NBPF9: variants seen among roughly 807,000 people sequenced by gnomAD.
NBPF9 encodes the protein NBPF member 9, also known as NBPF family member NBPF9.
NBPF9 carries 91 observed loss-of-function variants against 97.8 expected under a neutral mutation model. The observed-to-expected ratio is 0.93, with a 90% CI of 0.79 to 1.11. The LOEUF is 1.11. Ranked by LOEUF, NBPF9 falls within the 50% of genes least tolerant of loss-of-function variation. The pLI, the probability that NBPF9 is intolerant of heterozygous loss-of-function variation, is 0.00. For synonymous variants in NBPF9, 334 were observed against 359.5 expected (o/e 0.93, Z 0.80); for missense variants, 992 against 939.5 (o/e 1.06, Z -0.73).
intron 5 of NBPF9, among the ~76,000 whole-genome samples, chr1:149,086,860 C>T (rs2081044156): frequency 6.6e-6 from 1 of 152,098 alleles, no homozygotes; most frequent in Non-Finnish European, 1.5e-5. Context: ...TCTGGAAACA[C>T]ACATACAGAT....
At chr1:149,065,357 G>A (rs587702386) in intron 18 of NBPF9, 169 bp downstream of exon 18, 1 of 803,542 alleles carries the variant, frequency 1.2e-6, no homozygotes, top group Non-Finnish European at 2.2e-6. Context: ...CCCACCCCAT[G>A]CCTGTGCTTC....
chr1:149,062,762 T>A lies in NBPF9; in HGVS notation c.2078+100A>T. On this transcript the variant is annotated intron_variant, in intron 21 of 29. Transcript: ENST00000584027. ...CAATGGCAGTAGGAGTAATTCAACCTCCGTTGAAAACATGAAATTGAACAC... is the reference window on the plus strand; with the variant it reads ...CAATGGCAGTAGGAGTAATTCAACCACCGTTGAAAACATGAAATTGAACAC... 5 of 775,226 alleles carry A rather than the reference T, an allele frequency of 6.4e-6. No individual in the cohort carries two copies. In the South Asian group the frequency reaches 6.7e-5, roughly 10 times the overall value. The allele number at this position is 775,226 out of a possible 1,614,324, so 48.0% of individuals were successfully genotyped here.
At chr1:149,077,483 G>C in intron 10 of NBPF9, 64 bp from the exon 11 acceptor site, 1 of 1,601,514 alleles carries the variant, frequency 6.2e-7, no homozygotes, top group Non-Finnish European at 8.5e-7. Flanking sequence ...ACCCCAGGGA[G>C]TACTAGCTGG....
At chr1:149,068,149 C>G (rs2079149463) in intron 17 of NBPF9, among the ~76,000 whole-genome samples, 1 of 148,734 alleles carries the variant, frequency 6.7e-6, no homozygotes, top group African/African-American at 2.5e-5. Flanking sequence ...AAAGGAACAA[C>G]CGGTACCAGC....
chr1:149,097,943 C>T (rs868967602), intron 4 of NBPF9, among the ~76,000 whole-genome samples: 3 of 151,648 alleles, frequency 2.0e-5, no homozygotes, highest in Non-Finnish European at 3.0e-5. Flanking sequence ...AGCCATGTTT[C>T]CCCATCCTGG....
At chr1:149,082,780 G>T (rs2080595976) in intron 5 of NBPF9, among the ~76,000 whole-genome samples, 1 of 147,068 alleles carries the variant, frequency 6.8e-6, no homozygotes, top group African/African-American at 2.5e-5. Flanking sequence ...CTCTTGTTTT[G>T]ACTTTTTTTT....
chr1:149,082,985 A>AT (rs1323542940), intron 5 of NBPF9, among the ~76,000 whole-genome samples: 2 of 62,126 alleles, frequency 3.2e-5, no homozygotes, highest in South Asian at 5.2e-4. Flanking sequence ...TTTTTTTTGT[A>AT]TTTTTAGTAG....
intron 5 of NBPF9, among the ~76,000 whole-genome samples, chr1:149,086,328 C>T (rs1553658462): frequency 1.4e-5 from 2 of 148,102 alleles, no homozygotes; most frequent in Non-Finnish European, 3.0e-5. Flanking sequence ...TGGAATGTAA[C>T]AAAAGCCCAC....
chr1:149,052,351 A>G (rs2077961629), downstream of NBPF9, among the ~76,000 whole-genome samples: 1 of 151,678 alleles, frequency 6.6e-6, no homozygotes, highest in African/African-American at 2.4e-5. Context: ...GACAAAGGGC[A>G]TGTGTGATAG....
At chr1:149,103,360 C>T (rs1553244909) in exon 1 of NBPF9, 4 of 152,230 alleles carry the variant, frequency 2.6e-5, no homozygotes, top group Admixed American at 6.5e-5. Context: ...ACGGCAGCCG[C>T]GCCGCCGCGC....
intron 11 of NBPF9, among the ~76,000 whole-genome samples, chr1:149,077,004 A>G (rs2079933985): frequency 6.6e-6 from 1 of 150,790 alleles, no homozygotes; most frequent in Non-Finnish European, 1.5e-5. Context: ...CATATTGTGT[A>G]GGCTGGTCTT....
intron 12 of NBPF9, among the ~76,000 whole-genome samples, chr1:149,075,447 A>G (rs2079776796): frequency 1.3e-5 from 2 of 152,026 alleles, no homozygotes; most frequent in Admixed American, 6.6e-5. Flanking sequence ...CTCTAGTCCC[A>G]CCCCCACCTG....
At chr1:149,058,851 C>G (rs1378428372) in intron 26 of NBPF9, 74 bp downstream of exon 26, 1 of 701,290 alleles carries the variant, frequency 1.4e-6, no homozygotes, top group African/African-American at 1.8e-5. Flanking sequence ...CAGTAAGGGC[C>G]ACTTGGAACA....
downstream of NBPF9, among the ~76,000 whole-genome samples, chr1:149,052,758 C>T (rs368347486): frequency 2.9e-4 from 44 of 149,534 alleles, no homozygotes; most frequent in South Asian, 1.1e-3. Context: ...TTCTATTATA[C>T]GATTCAGTCT....
At chr1:149,059,984 T>C (rs1181910176) in intron 24 of NBPF9, 176 bp from the exon 25 acceptor site, 1 of 407,286 alleles carries the variant, frequency 2.5e-6, no homozygotes, top group African/African-American at 2.7e-5. Flanking sequence ...CCTCAGTTTT[T>C]CTCCCAGAAA....
intron 2 of NBPF9, among the ~76,000 whole-genome samples, chr1:149,101,762 T>C (rs1381895937): frequency 6.6e-6 from 1 of 152,134 alleles, no homozygotes; most frequent in Non-Finnish European, 1.5e-5. Flanking sequence ...TGCTAAATGG[T>C]ACAACCACTT....
intron 29 of NBPF9, among the ~76,000 whole-genome samples, chr1:149,056,208 C>G (rs587696914): frequency 6.7e-6 from 1 of 149,570 alleles, no homozygotes; most frequent in Admixed American, 6.7e-5. Flanking sequence ...TCATGACACA[C>G]AGCAAACTGT....
intron 16 of NBPF9, among the ~76,000 whole-genome samples, chr1:149,070,322 A>C (rs2079301074): frequency 3.6e-5 from 1 of 27,532 alleles, no homozygotes; most frequent in Non-Finnish European, 8.9e-5. Flanking sequence ...CTCCATCGCA[A>C]AAAAAAAAAA....
chr1:149,068,194 G>A (rs1313283405), intron 17 of NBPF9, among the ~76,000 whole-genome samples: 1 of 149,102 alleles, frequency 6.7e-6, no homozygotes, highest in African/African-American at 2.5e-5. Flanking sequence ...AAAGACCATT[G>A]ACGCTAGGAA....
Sources: gnomAD v4.1 joint callset for allele counts (sites outside exome capture counted in the v4.1 genomes callset) on GRCh38, gnomAD v4.1.1 for gene constraint, MANE v1.5 for transcripts, NCBI Gene and HGNC (gene_info 2026-07-23, HGNC 2026-07-21) for gene names.